BAZ1A: variants seen among roughly 807,000 people sequenced by gnomAD.
BAZ1A encodes bromodomain adjacent to zinc finger domain 1A.
BAZ1A carries 50 observed loss-of-function variants against 185.2 expected under a neutral mutation model. The ratio of observed to expected loss-of-function variants is 0.27; its 90% CI spans 0.22 to 0.34. The LOEUF is 0.34. Ranked by LOEUF, BAZ1A falls within the 10% of genes least tolerant of loss-of-function variation. The pLI is 1.00. For missense variants in BAZ1A, 1,356 were observed against 1,839.9 expected, an observed-to-expected ratio of 0.74 and a Z score of 4.81; for synonymous variants, 571 against 615.6, an observed-to-expected ratio of 0.93 and a Z score of 1.07.
intron 17 of BAZ1A, 74 bp from the exon 18 acceptor site, chr14:34,776,589 A>AC (rs1335230756): frequency 7.8e-7 from 1 of 1,280,220 alleles, no homozygotes; most frequent in African/African-American, 1.5e-5. Context: ...ATACAAAGTT[A>AC]CCCCAAGTTA....
At chr14:34,844,775 G>GCACACA (rs773913609) in intron 3 of BAZ1A, among the ~76,000 whole-genome samples, 10 of 135,596 alleles carry the variant, frequency 7.4e-5, no homozygotes, top group South Asian at 2.5e-4. Flanking sequence ...ACACACACAC[G>GCACACA]CGCACACACA....
intron 3 of BAZ1A, among the ~76,000 whole-genome samples, chr14:34,851,988 G>A (rs113366396): frequency 0.062 from 9,484 of 152,116 alleles, 391 homozygotes; most frequent in Non-Finnish European, 0.097. Context: ...TTAGCCGGGC[G>A]TGGTGGCGGG....
In BAZ1A at chr14:34,794,737, T is replaced by A; in HGVS notation, c.1363+12A>T. Reference sequence around the variant, plus strand: ...GAACTATAATGTAGCAATAGATAACTAAAGCACTTGCCTAGGGTTACTCCA... The same window carrying A: ...GAACTATAATGTAGCAATAGATAACAAAAGCACTTGCCTAGGGTTACTCCA... On this transcript the variant is annotated intron_variant, in intron 11 of 26. Transcript: ENST00000360310. 1 of 1,604,386 alleles carries A rather than the reference T, an allele frequency of 6.2e-7. No individual in the cohort carries two copies. Among genetic ancestry groups the A allele is most frequent in the Non-Finnish European group, 8.5e-7 (1 of 1,177,178 alleles).
At chr14:34,828,049 C>G (rs1213745135) in intron 3 of BAZ1A, among the ~76,000 whole-genome samples, 2 of 152,040 alleles carry the variant, frequency 1.3e-5, no homozygotes, top group Non-Finnish European at 2.9e-5. Context: ...AACCCCAGCA[C>G]TTTGGGACAC....
At chr14:34,833,300 G>A (rs1383730972) in intron 3 of BAZ1A, among the ~76,000 whole-genome samples, 2 of 152,074 alleles carry the variant, frequency 1.3e-5, no homozygotes, top group African/African-American at 4.8e-5. Context: ...AGACCGAGGC[G>A]GGTGGATCAC....
At chr14:34,846,675 T>C (rs2042517243) in intron 3 of BAZ1A, among the ~76,000 whole-genome samples, 1 of 152,232 alleles carries the variant, frequency 6.6e-6, no homozygotes, top group African/African-American at 2.4e-5. Flanking sequence ...CTTCCCAATT[T>C]ATACTATTAT....
At chr14:34,821,550 C>T (rs2042089550) in intron 4 of BAZ1A, among the ~76,000 whole-genome samples, 1 of 152,074 alleles carries the variant, frequency 6.6e-6, no homozygotes, top group African/African-American at 2.4e-5. Context: ...ATAATAAGGT[C>T]CAAAGACAGC....
chr14:34,860,886 G>A (rs977118286), intron 3 of BAZ1A, among the ~76,000 whole-genome samples: 3 of 151,736 alleles, frequency 2.0e-5, no homozygotes, highest in Non-Finnish European at 2.9e-5. Context: ...CAACAAGAGC[G>A]GAACTCCGTC....
intron 26 of BAZ1A, 115 bp downstream of exon 26, chr14:34,754,712 T>C (rs1172261148): frequency 1.6e-6 from 1 of 638,352 alleles, no homozygotes; most frequent in Non-Finnish European, 2.6e-6. Context: ...TCAACACACA[T>C]CCTTTTAGTA....
rs577854607 is a variant in BAZ1A, at chr14:34,787,246, G to A, written c.1511-1025C>T. Among the ~76,000 whole-genome samples, 888 of 150,508 alleles carry A rather than the reference G, an allele frequency of 5.9e-3. 11 individuals are homozygous for A. Among genetic ancestry groups the A allele is most frequent in the African/African-American group, 0.021 (861 of 40,922 alleles). ...CGCATGCCTGTAGTCCCAGCTACTC[G>A]GGAGGCTGAGGCAGGAGAATCACTT... On this transcript the variant is annotated intron_variant, in intron 12 of 26. Transcript: ENST00000360310.
intron 23 of BAZ1A, among the ~76,000 whole-genome samples, chr14:34,763,893 G>A (rs1878616202): frequency 6.6e-6 from 1 of 152,086 alleles, no homozygotes; most frequent in African/African-American, 2.4e-5. Flanking sequence ...TATTGCTGTG[G>A]TCTGGAATTG....
intron 15 of BAZ1A, 138 bp downstream of exon 15, chr14:34,783,624 G>A (rs1168738010): frequency 1.7e-6 from 2 of 1,144,638 alleles, no homozygotes; most frequent in Non-Finnish European, 2.4e-6. Flanking sequence ...ACCACACCTG[G>A]CCTCATTCAC....
chr14:34,800,238 C>T lies in BAZ1A; in HGVS notation c.1114G>A (p.Val372Ile). ...CAAATGAATACCTTTTCTCTTTCTA[C>T]TTTAAGCCTCTCTTTTTCTTCTTTT... ...KKKEEKERLK[V>I]EREKEREKLR... The change falls in exon 9 of 27, where the codon GTA (valine) becomes ATA (isoleucine). Residue 372 changes from valine to isoleucine, a missense_variant. Physicochemically the swap from Val to Ile is conservative, Grantham distance 29. Coordinates refer to ENST00000360310, the MANE Select transcript of BAZ1A (RefSeq NM_013448.3). The T allele has an allele frequency of 7.1e-7, 1 of 1,412,836 alleles. No individual in the cohort carries two copies. The highest frequency in any genetic ancestry group is 9.6e-7 in the Non-Finnish European group (1 of 1,041,074). The allele number at this position is 1,412,836 out of a possible 1,614,324, so 87.5% of individuals were successfully genotyped here.
At chr14:34,758,338 T>G (rs1418379836) in intron 25 of BAZ1A, among the ~76,000 whole-genome samples, 1 of 150,770 alleles carries the variant, frequency 6.6e-6, no homozygotes, top group East Asian at 2.0e-4. Context: ...TCCCACCACT[T>G]TGGGGGGCCG....
chr14:34,827,711 G>A (rs1291471165), intron 3 of BAZ1A, among the ~76,000 whole-genome samples: 1 of 147,326 alleles, frequency 6.8e-6, no homozygotes, highest in Non-Finnish European at 1.5e-5. Flanking sequence ...CTCCAGCCTT[G>A]GCAACAAAGC....
intron 3 of BAZ1A, among the ~76,000 whole-genome samples, chr14:34,829,186 A>G (rs960336036): frequency 6.7e-6 from 1 of 150,264 alleles, no homozygotes; most frequent in African/African-American, 2.5e-5. Context: ...GAATTGCTTG[A>G]ACCCGGGAGG....
chr14:34,839,839 C>CAAAAAAAAAAAAAAAAAAAAAAAA (rs60954768), intron 3 of BAZ1A, among the ~76,000 whole-genome samples: 1 of 106,684 alleles, frequency 9.4e-6, no homozygotes, highest in Non-Finnish European at 1.9e-5. Flanking sequence ...GCCTCTGTTT[C>CAAAAAAAAAAAAAAAAAAAAAAAA]AAAAAAAAAA....
chr14:34,836,583 A>G (rs2042335519), intron 3 of BAZ1A, among the ~76,000 whole-genome samples: 2 of 151,888 alleles, frequency 1.3e-5, no homozygotes, highest in Admixed American at 1.3e-4. Flanking sequence ...TGCTGAATCT[A>G]TAGCATACTT....
intron 2 of BAZ1A, among the ~76,000 whole-genome samples, chr14:34,869,252 T>C (rs1325982674): frequency 6.6e-6 from 1 of 152,028 alleles, no homozygotes; most frequent in East Asian, 1.9e-4. Context: ...TAAAATCAGA[T>C]AATTCTTAGC....
Sources: gnomAD v4.1 joint callset for allele counts (sites outside exome capture counted in the v4.1 genomes callset) on GRCh38, gnomAD v4.1.1 for gene constraint, MANE v1.5 for transcripts, NCBI Gene and HGNC (gene_info 2026-07-23, HGNC 2026-07-21) for gene names.